ZNF106: variants seen among roughly 807,000 people sequenced by gnomAD.
The protein encoded by ZNF106 is SH3-domain binding protein 3.
In ZNF106, 67 loss-of-function variants were observed where a neutral mutation model predicts 195.1. The ratio of observed to expected loss-of-function variants is 0.34; its 90% confidence interval spans 0.28 to 0.42. The LOEUF (loss-of-function observed/expected upper bound fraction) is 0.42, where lower values mean the gene tolerates loss of function less well. Ranked by LOEUF, ZNF106 falls within the 10% of genes least tolerant of loss-of-function variation. The pLI, the probability that ZNF106 is intolerant of heterozygous loss-of-function variation, is 1.00. For synonymous variants in ZNF106, 784 were observed against 818.6 expected (o/e 0.96, Z 0.72); for missense variants, 2,118 against 2,304.5 (o/e 0.92, Z 1.66).
At chr15:42,478,525 T>TC (rs1441313552) in intron 1 of ZNF106, among the ~76,000 whole-genome samples, 5 of 135,936 alleles carry the variant, frequency 3.7e-5, no homozygotes, top group African/African-American at 1.3e-4. Context: ...TTTTTTTTTT[T>TC]TTTTTTTTGA....
Position 42,442,135 on chromosome 15 carries a change from T to A in ZNF106, c.3701A>T (p.Asn1234Ile), listed in dbSNP as rs746995203. The change falls in exon 10 of 22, where the codon AAT (asparagine) becomes ATT (isoleucine). Residue 1234 changes from asparagine (N) to isoleucine (I), a missense_variant. Physicochemically the swap from Asn to Ile is moderately radical, Grantham distance 149. Transcript: ENST00000564754. ...QEPMSPEQDENVNAVPPSSAC... is the reference protein window; with the variant it reads ...QEPMSPEQDEIVNAVPPSSAC... The stretch of plus-strand genomic sequence containing the variant: ...AGAGCTTGGTGGCACAGCATTCACA[T>A]TCTCATCTTGTTCAGGAGACATGGG... 21 of 1,614,076 alleles carry A rather than the reference T, an allele frequency of 1.3e-5. No homozygotes were observed. In the East Asian group the frequency reaches 4.2e-4, roughly 33 times the overall value.
Position 42,448,705 on chromosome 15 carries a change from C to T in ZNF106, c.2502G>A (p.Arg834=), listed in dbSNP as rs752664037. ...KKQELGKGLP[R]FGIEMVPLVQ... The stretch of plus-strand genomic sequence containing the variant: ...CAAGGGGTACCATTTCTATGCCAAA[C>T]CTTAAGGAAGAAAGAAAAAATGAAA... The change falls in exon 6 of 22, where the codon AGG becomes AGA. Residue 834 remains arginine (R), a splice_region_variant and synonymous_variant. Transcript: ENST00000564754. 6 of 1,575,410 alleles carry T rather than the reference C, an allele frequency of 3.8e-6. No homozygotes were observed. The highest frequency in any genetic ancestry group is 1.7e-6 in the Non-Finnish European group (2 of 1,168,194).
At chr15:42,419,299 G>A (rs946609154) in intron 20 of ZNF106, among the ~76,000 whole-genome samples, 3 of 152,016 alleles carry the variant, frequency 2.0e-5, no homozygotes, top group Admixed American at 6.6e-5. Flanking sequence ...CTTGGGAAGT[G>A]GAGGCTGCAG....
chr15:42,435,418 G>T lies in ZNF106; in HGVS notation c.4847C>A (p.Ser1616Tyr), dbSNP rs1265977542. The T allele has an allele frequency of 6.2e-7, 1 of 1,614,022 alleles. No individual in the cohort carries two copies. The highest frequency in any genetic ancestry group is 8.5e-7 in the Non-Finnish European group (1 of 1,180,042). ...SGKNAALYTG[S>Y]SDHTIRCYNV... ...ATAGCAGCGGATGGTATGGTCACTG[G>T]ACCCGGTGTAAAGGGCAGCATTCTT... Residue 1616 changes from serine (S) to tyrosine (Y), a missense_variant, in exon 14 of 22, where the codon TCC becomes TAC. By Grantham distance (144) the Ser-to-Tyr change is moderately radical (BLOSUM62 -2). Coordinates refer to ENST00000564754, the MANE Select transcript of ZNF106 (RefSeq NM_001366845.3).
At position 42,464,410 on chromosome 15, in the gene ZNF106, T is replaced by C. The variant is rs1287592211; in HGVS notation, c.116+1643A>G. Among the ~76,000 whole-genome samples, 11 of 151,964 alleles carry C rather than the reference T, an allele frequency of 7.2e-5. No individual in the cohort carries two copies. In the East Asian group the frequency reaches 1.9e-3, roughly 27 times the overall value. ...GGGATAAGATATAATTCCTATTTCC[T>C]AGGTTCCCAATGTTCCTCCATCTAT... is the stretch of plus-strand genomic sequence containing the variant. On this transcript the variant is annotated intron_variant, in intron 3 of 21. Coordinates refer to ENST00000564754, the MANE Select transcript of ZNF106 (RefSeq NM_001366845.3).
chr15:42,425,594 T>C (rs1217055567), intron 15 of ZNF106: 2 of 152,622 alleles, frequency 1.3e-5, no homozygotes, highest in Non-Finnish European at 2.9e-5. Flanking sequence ...CTCCGCTTCC[T>C]GGGTTCAAGT....
chr15:42,447,632 C>T (rs2055822004), intron 6 of ZNF106, among the ~76,000 whole-genome samples: 1 of 152,214 alleles, frequency 6.6e-6, no homozygotes, highest in Non-Finnish European at 1.5e-5. Context: ...CATATATATG[C>T]ACTCTAATAG....
At chr15:42,468,052 T>C (rs2056565184) in intron 2 of ZNF106, among the ~76,000 whole-genome samples, 2 of 151,242 alleles carry the variant, frequency 1.3e-5, no homozygotes, top group South Asian at 4.2e-4. Flanking sequence ...ATAAACAGGG[T>C]TGTGATTCAA....
intron 3 of ZNF106, among the ~76,000 whole-genome samples, chr15:42,463,942 A>G (rs1323407979): frequency 1.3e-5 from 2 of 152,250 alleles, no homozygotes. Flanking sequence ...AATAGGCTAA[A>G]GAGATGCTGA....
intron 14 of ZNF106, among the ~76,000 whole-genome samples, chr15:42,432,038 G>C (rs1299159786): frequency 6.6e-6 from 1 of 152,150 alleles, no homozygotes; most frequent in Non-Finnish European, 1.5e-5. Flanking sequence ...AGTTCTATCA[G>C]TTATTGTTTC....
chr15:42,439,060 G>A lies in ZNF106; in HGVS notation c.4517C>T (p.Thr1506Ile). 6.2e-7 allele frequency: 1 copy of A among 1,613,816 alleles called. No individual in the cohort carries two copies. The highest frequency in any genetic ancestry group is 8.5e-7 in the Non-Finnish European group (1 of 1,179,884). Residue 1506 changes from threonine (T) to isoleucine (I), a missense_variant, in exon 11 of 22, where the codon ACT becomes ATT. By Grantham distance (89) the Thr-to-Ile change is moderately conservative. Coordinates refer to ENST00000564754, the MANE Select transcript of ZNF106 (RefSeq NM_001366845.3). ...DEVSSTSEIG[T>I]RYKDGIPVSV... ...TACAGGGATGCCATCTTTATAGCGAGTGCCAATTTCACTGGTAGAGCTAAC... is the reference window on the plus strand; with the variant it reads ...TACAGGGATGCCATCTTTATAGCGAATGCCAATTTCACTGGTAGAGCTAAC...
intron 1 of ZNF106, among the ~76,000 whole-genome samples, chr15:42,473,719 T>C (rs1041446073): frequency 6.6e-6 from 1 of 152,184 alleles, no homozygotes; most frequent in African/African-American, 2.4e-5. Context: ...GTAGATCATG[T>C]TTCCATAGAA....
At chr15:42,421,512 A>G (rs575218280) in intron 19 of ZNF106, among the ~76,000 whole-genome samples, 32 of 152,306 alleles carry the variant, frequency 2.1e-4, no homozygotes, top group African/African-American at 7.2e-4. Context: ...GTTCAACTCC[A>G]TAACTTAAAA....
chr15:42,433,316 A>T (rs896708949), intron 14 of ZNF106, among the ~76,000 whole-genome samples: 1 of 151,984 alleles, frequency 6.6e-6, no homozygotes, highest in African/African-American at 2.4e-5. Context: ...CGTGTTAGCC[A>T]GGGTGGTCCC....
At chr15:42,464,377 T>G (rs997283272) in intron 3 of ZNF106, among the ~76,000 whole-genome samples, 1 of 151,750 alleles carries the variant, frequency 6.6e-6, no homozygotes, top group African/African-American at 2.4e-5. Flanking sequence ...CTTGTAACTA[T>G]TATTCATGGG....
intron 1 of ZNF106, among the ~76,000 whole-genome samples, chr15:42,481,318 A>G (rs1476742618): frequency 1.4e-5 from 2 of 146,454 alleles, no homozygotes; most frequent in African/African-American, 5.0e-5. Context: ...TTATCTGACA[A>G]TGTCTTTATT....
intron 13 of ZNF106, among the ~76,000 whole-genome samples, chr15:42,436,014 C>T (rs898766464): frequency 4.0e-5 from 6 of 149,980 alleles, no homozygotes; most frequent in Admixed American, 6.7e-5. Context: ...AGTGCAGTGG[C>T]GCGATCTCAG....
Position 42,439,616 on chromosome 15 carries a change from T to G in ZNF106, c.3961A>C (p.Thr1321Pro), listed in dbSNP as rs760249140. The change falls in exon 11 of 22, where the codon ACC becomes CCC. Residue 1321 changes from threonine to proline, a missense_variant. Transcript: ENST00000564754. ...SSINKEGEEP[T>P]KGNSGSEACT... ...GCTTCAGACCCACTATTGCCTTTGG[T>G]TGGCTCTTCCCCTTCTTTATTTATG... The G allele has an allele frequency of 3.7e-6, 6 of 1,613,896 alleles. No individual in the cohort carries two copies. The highest frequency in any genetic ancestry group is 5.1e-6 in the Non-Finnish European group (6 of 1,179,950).
At chr15:42,442,648 G>A (rs1169713018) in intron 9 of ZNF106, among the ~76,000 whole-genome samples, 9 of 134,826 alleles carry the variant, frequency 6.7e-5, no homozygotes, top group African/African-American at 2.0e-4. Flanking sequence ...ATAGGGTCTC[G>A]CTTTGTCACC....
Sources: allele counts gnomAD v4.1 joint callset (sites outside exome capture counted in the v4.1 genomes callset), GRCh38; gene constraint gnomAD v4.1.1; transcripts MANE v1.5; gene names NCBI Gene and HGNC (gene_info 2026-07-23, HGNC 2026-07-21).